Variants in DAB1 observed in about 807,000 individuals in gnomAD.
DAB1 encodes disabled homolog 1.
In DAB1, 15 loss-of-function variants were observed where a neutral mutation model predicts 64.6. That is an observed-to-expected ratio of 0.23 (90% confidence interval 0.16 to 0.36). DAB1 has a LOEUF of 0.36. Ranked by LOEUF, DAB1 falls within the 10% of genes least tolerant of loss-of-function variation. The probability of loss-of-function intolerance (pLI) is 1.00; values close to 1 mark genes in which losing one functional copy is unlikely to be tolerated. For synonymous variants in DAB1, 235 were observed against 251.9 expected (o/e 0.93, Z 0.64); for missense variants, 596 against 706.7 (o/e 0.84, Z 1.78).
At chr1:58,198,260 G>A (rs1245335267) in intron 4 of DAB1, among the ~76,000 whole-genome samples, 1 of 152,236 alleles carries the variant, frequency 6.6e-6, no homozygotes, top group Non-Finnish European at 1.5e-5. Flanking sequence ...CACACATAGT[G>A]TAAGCGGTAT....
intron 2 of DAB1, among the ~76,000 whole-genome samples, chr1:57,180,171 G>A (rs975892937): frequency 6.6e-6 from 1 of 152,192 alleles, no homozygotes; most frequent in African/African-American, 2.4e-5. Flanking sequence ...CCTTAGGTGA[G>A]AGGACACAGA....
rs76803396 is a variant in DAB1 at position 57,763,414 on chromosome 1, A to C, written n.552-113749T>G. On this transcript the variant is annotated intron_variant and non_coding_transcript_variant, in intron 6 of 20. Transcript: ENST00000485760. Reference sequence around the variant, plus strand: ...CTGTCTAGGCTGGGCGTGGTGGCTTATGCCTGTAACCCCAACACTTTTTGG... The same window carrying C: ...CTGTCTAGGCTGGGCGTGGTGGCTTCTGCCTGTAACCCCAACACTTTTTGG... 9.6e-3 allele frequency among the ~76,000 whole-genome samples: 1,459 copies of C among 152,274 alleles called. 21 individuals carry two copies. Among genetic ancestry groups the C allele is most frequent in the African/African-American group, 0.033 (1,365 of 41,580 alleles).
At chr1:57,764,861 A>C (rs909292306) in intron 6 of DAB1, among the ~76,000 whole-genome samples, 7 of 152,332 alleles carry the variant, frequency 4.6e-5, no homozygotes, top group African/African-American at 1.2e-4. Context: ...CATAAAGAAA[A>C]GAAGACTGAG....
At chr1:57,307,243 A>C (rs2100720303) in intron 1 of DAB1, 1 of 152,342 alleles carries the variant, frequency 6.6e-6, no homozygotes, top group African/African-American at 2.4e-5. Flanking sequence ...AGATGATATA[A>C]GCCACAGATT....
In DAB1 at chr1:58,132,260, G is replaced by C. The variant is rs1303485040; in HGVS notation, n.387+18251C>G. Among the ~76,000 whole-genome samples, 5 of 152,154 alleles carry C rather than the reference G, an allele frequency of 3.3e-5. No homozygotes were observed. The East Asian group carries it at 9.7e-4, about 29-fold the overall frequency. ...TCAGCGATTTCTTTGACTCAGAAAG[G>C]GAACTCCCTGACCCCTTGCGCTTCC... On this transcript the variant is annotated intron_variant and non_coding_transcript_variant, in intron 5 of 20. Coordinates refer to the DAB1 transcript ENST00000485760.
At chr1:57,914,785 T>C (rs1346748319) in intron 5 of DAB1, among the ~76,000 whole-genome samples, 2 of 152,142 alleles carry the variant, frequency 1.3e-5, no homozygotes, top group African/African-American at 4.8e-5. Flanking sequence ...ATGGATCATA[T>C]AAACATTATA....
chr1:57,888,347 C>T (rs1319214763), upstream of DAB1, among the ~76,000 whole-genome samples: 7 of 152,140 alleles, frequency 4.6e-5, no homozygotes, highest in Non-Finnish European at 1.5e-5. Flanking sequence ...CTTATACTCC[C>T]CATCAGATGG....
intron 4 of DAB1, among the ~76,000 whole-genome samples, chr1:58,205,322 C>G (rs1018713903): frequency 6.6e-5 from 10 of 152,136 alleles, no homozygotes; most frequent in Non-Finnish European, 1.2e-4. Flanking sequence ...AATTCATTCC[C>G]CTTTCCCCAA....
chr1:57,815,037 T>C (rs1252690177), intron 6 of DAB1, among the ~76,000 whole-genome samples: 1 of 152,146 alleles, frequency 6.6e-6, no homozygotes, highest in Non-Finnish European at 1.5e-5. Flanking sequence ...TACTATTTTC[T>C]TTCTTTCTTT....
intron 3 of DAB1, among the ~76,000 whole-genome samples, chr1:58,453,371 A>G (rs1427028494): frequency 6.6e-6 from 1 of 152,182 alleles, no homozygotes; most frequent in Non-Finnish European, 1.5e-5. Flanking sequence ...GTAAGCTCAT[A>G]TAATAATTAT....
chr1:58,118,497 T>TATATAC (rs1652497669), intron 5 of DAB1, among the ~76,000 whole-genome samples: 1 of 84,018 alleles, frequency 1.2e-5, no homozygotes, highest in African/African-American at 5.7e-5. Flanking sequence ...TATATATATA[T>TATATAC]ATATATACAC....
intron 7 of DAB1, among the ~76,000 whole-genome samples, chr1:57,484,784 C>T (rs1644068347): frequency 6.6e-6 from 1 of 151,828 alleles, no homozygotes; most frequent in African/African-American, 2.4e-5. Context: ...GATTGTAATT[C>T]CAAGTTTTAT....
chr1:58,447,746 A>C (rs1471081137), intron 3 of DAB1, among the ~76,000 whole-genome samples: 16 of 152,198 alleles, frequency 1.1e-4, no homozygotes, highest in Admixed American at 1.0e-3. Context: ...TGAGATCTAA[A>C]AGATGAGCAG....
At chr1:57,024,809 G>T (rs1206904511) in intron 10 of DAB1, among the ~76,000 whole-genome samples, 2 of 152,202 alleles carry the variant, frequency 1.3e-5, no homozygotes, top group African/African-American at 4.8e-5. Flanking sequence ...GCAACTCCAA[G>T]TTCCCAGGAA....
intron 2 of DAB1, among the ~76,000 whole-genome samples, chr1:58,515,554 G>T (rs1433678333): frequency 1.3e-5 from 2 of 152,070 alleles, no homozygotes; most frequent in Non-Finnish European, 2.9e-5. Context: ...ATTTTTCTGG[G>T]TGATAAAATT....
intron 1 of DAB1, among the ~76,000 whole-genome samples, chr1:57,873,162 G>C (rs1643982709): frequency 6.6e-6 from 1 of 152,104 alleles, no homozygotes; most frequent in Admixed American, 6.5e-5. Context: ...CATATAAACA[G>C]GCAGGAGGAA....
intron 6 of DAB1, among the ~76,000 whole-genome samples, chr1:57,651,306 C>T (rs1179164530): frequency 3.9e-5 from 6 of 152,002 alleles, no homozygotes; most frequent in Admixed American, 2.0e-4. Context: ...CCCATTATAA[C>T]AACTCAGTTA....
chr1:57,652,940 C>T lies in DAB1; in HGVS notation n.552-3275G>A, dbSNP rs1412848360. Among the ~76,000 whole-genome samples the T allele has an allele frequency of 9.2e-5, 14 of 152,310 alleles. No individual in the cohort carries two copies. In the South Asian group the frequency reaches 2.7e-3, roughly 29 times the overall value. Reference sequence around the variant, plus strand: ...GTTTGGACACAGGCTCTGACTCACACAAAGTTCAGTTTACAATTTTACCTT... The same window carrying T: ...GTTTGGACACAGGCTCTGACTCACATAAAGTTCAGTTTACAATTTTACCTT... On this transcript the variant is annotated intron_variant and non_coding_transcript_variant, in intron 6 of 20. Transcript: ENST00000485760.
chr1:57,162,969 A>G (rs1431854150), intron 2 of DAB1, among the ~76,000 whole-genome samples: 3 of 152,214 alleles, frequency 2.0e-5, no homozygotes, highest in African/African-American at 7.2e-5. Context: ...TCCCCACCCG[A>G]CAGTTGTTCC....
Sources: allele counts gnomAD v4.1 joint callset (sites outside exome capture counted in the v4.1 genomes callset), GRCh38; gene constraint gnomAD v4.1.1; transcripts MANE v1.5; gene names NCBI Gene and HGNC (gene_info 2026-07-23, HGNC 2026-07-21).